The following RPS6KC1 variants were observed in gnomAD, a reference collection of about 807,000 sequenced individuals.
RPS6KC1 encodes the protein inactive ribosomal protein S6 kinase delta-1.
A neutral mutation model predicts 103.8 loss-of-function variants in RPS6KC1; 54 were observed. That is an observed-to-expected ratio of 0.52 (90% confidence interval 0.42 to 0.65). RPS6KC1 has a LOEUF of 0.65. Among genes scored for constraint, RPS6KC1 ranks in the 30% least tolerant of loss-of-function variants. The probability of loss-of-function intolerance (pLI) is 0.00; values close to 1 mark genes in which losing one functional copy is unlikely to be tolerated. For missense variants in RPS6KC1, 1,151 were observed against 1,253.8 expected (o/e 0.92, Z 1.24); for synonymous variants, 439 against 438.7 (o/e 1.00, Z -0.01).
chr1:213,077,961 TTTCTTG>T, intron 3 of RPS6KC1, 145 bp downstream of exon 3: 2 of 428,208 alleles, frequency 4.7e-6, no homozygotes, highest in Non-Finnish European at 4.1e-6. Context: ...GAAATTGTCT[TTTCTTG>T]TTCTTGTTAT....
the RPS6KC1 span, among the ~76,000 whole-genome samples, chr1:213,691,783 G>A: frequency 1.3e-5 from 2 of 152,094 alleles, no homozygotes; most frequent in Admixed American, 6.5e-5. Flanking sequence ...GGAAGGAATC[G>A]TTCCTCCATC....
chr1:213,489,625 A>G, the RPS6KC1 span, among the ~76,000 whole-genome samples: 4 of 152,172 alleles, frequency 2.6e-5, no homozygotes, highest in African/African-American at 9.7e-5. Context: ...ATATTACACC[A>G]CAGTCTGCTG....
the RPS6KC1 span, among the ~76,000 whole-genome samples, chr1:213,471,057 GT>G: frequency 6.6e-6 from 1 of 150,484 alleles, no homozygotes; most frequent in African/African-American, 2.5e-5. Flanking sequence ...TTCTTCAAGG[GT>G]GACCAGTGAG....
chr1:213,469,719 T>TA, the RPS6KC1 span, among the ~76,000 whole-genome samples: 1 of 152,170 alleles, frequency 6.6e-6, no homozygotes, highest in African/African-American at 2.4e-5. Flanking sequence ...ACTTTAGTTT[T>TA]AAAAATCACA....
chr1:213,111,142 A>T (rs564422298), intron 4 of RPS6KC1, among the ~76,000 whole-genome samples: 10 of 150,378 alleles, frequency 6.6e-5, no homozygotes, highest in Admixed American at 6.6e-4. Flanking sequence ...CTCGGTAACC[A>T]CTCTTTCATT....
chr1:213,720,374 A>C, the RPS6KC1 span, among the ~76,000 whole-genome samples: 2 of 152,364 alleles, frequency 1.3e-5, no homozygotes, highest in South Asian at 4.1e-4. Context: ...AAACTGGCTT[A>C]AGGGGATTTG....
At chr1:213,616,122 C>A in the RPS6KC1 span, among the ~76,000 whole-genome samples, 10 of 152,196 alleles carry the variant, frequency 6.6e-5, no homozygotes, top group Admixed American at 6.5e-4. Context: ...AAGCAAAGTG[C>A]AAGGCATGGC....
Position 213,174,146 on chromosome 1 carries a change from AT to A in RPS6KC1, c.952-2249del, listed in dbSNP as rs67050679. ...TAGCAAGAGGCAGCAGCAGAAAAGA[AT>A]TTTTAATTTTCAGAATGTGTTGGTT... On this transcript the variant is annotated intron_variant, in intron 7 of 14. Coordinates refer to ENST00000366960, the MANE Select transcript of RPS6KC1 (RefSeq NM_012424.6). 7.0e-3 allele frequency among the ~76,000 whole-genome samples: 1,067 copies of A among 152,332 alleles called. 14 individuals are homozygous for A. The highest frequency in any genetic ancestry group is 0.024 in the African/African-American group (1,011 of 41,572).
chr1:213,749,365 T>C, the RPS6KC1 span, among the ~76,000 whole-genome samples: 2 of 152,126 alleles, frequency 1.3e-5, no homozygotes, highest in Non-Finnish European at 2.9e-5. Context: ...AATTAATCCA[T>C]AGAAAGTGAA....
chr1:213,104,963 T>TA (rs888221579), intron 4 of RPS6KC1, among the ~76,000 whole-genome samples: 26 of 151,734 alleles, frequency 1.7e-4, no homozygotes, highest in Non-Finnish European at 2.9e-4. Context: ...TGAAATACAT[T>TA]AAAAAAAATG....
chr1:213,589,938 GGTGTGTGTGTGTGTGTGT>G, the RPS6KC1 span, among the ~76,000 whole-genome samples: 3,209 of 132,816 alleles, frequency 0.024, 126 homozygotes, highest in African/African-American at 0.094. Flanking sequence ...AAAAGGTAGT[GGTGTGTGTGTGTGTGTGT>G]GTGTGTGTGT....
At chr1:213,058,221 G>T (rs1048712935) in intron 1 of RPS6KC1, among the ~76,000 whole-genome samples, 4 of 151,952 alleles carry the variant, frequency 2.6e-5, no homozygotes, top group Middle Eastern at 3.4e-3. Flanking sequence ...AGGACTACAG[G>T]TATGCCACTG....
At chr1:213,843,332 A>C in the RPS6KC1 span, among the ~76,000 whole-genome samples, 1 of 152,226 alleles carries the variant, frequency 6.6e-6, no homozygotes, top group Non-Finnish European at 1.5e-5. Flanking sequence ...GTGACACATA[A>C]GATCAACCAT....
At chr1:213,646,328 G>A in the RPS6KC1 span, among the ~76,000 whole-genome samples, 3 of 152,308 alleles carry the variant, frequency 2.0e-5, no homozygotes, top group South Asian at 6.2e-4. Context: ...TTGGACTTTG[G>A]AAGAAGAGAC....
At position 213,241,982 on chromosome 1, in the gene RPS6KC1, G is replaced by T. The variant is rs1437340682; in HGVS notation, c.2506G>T (p.Asp836Tyr). 3.1e-6 allele frequency: 5 copies of T among 1,614,042 alleles called. No homozygotes were observed. In the Admixed American group the frequency reaches 8.3e-5, roughly 27 times the overall value. ...SGANEYIAST[D>Y]TLKTEEVLLF... The stretch of plus-strand genomic sequence containing the variant: ...TGCTAATGAATATATTGCAAGCACA[G>T]ACACTTTAAAAACAGAAGAAGTATT... The change falls in exon 11 of 15, where the codon GAC (aspartate) becomes TAC (tyrosine). Residue 836 changes from aspartate to tyrosine, a missense_variant. By Grantham distance (160) the Asp-to-Tyr change is radical (BLOSUM62 -3). Transcript: ENST00000366960.
chr1:213,853,781 G>A, the RPS6KC1 span, among the ~76,000 whole-genome samples: 1 of 152,190 alleles, frequency 6.6e-6, no homozygotes, highest in Non-Finnish European at 1.5e-5. Flanking sequence ...GAGCCAGTCT[G>A]GAGTTGGCTG....
chr1:213,602,193 C>CTTT, the RPS6KC1 span, among the ~76,000 whole-genome samples: 99 of 48,810 alleles, frequency 2.0e-3, no homozygotes, highest in African/African-American at 8.2e-3. Context: ...TTTCTTTTTC[C>CTTT]CTCCCTCCCT....
chr1:213,763,191 T>G, the RPS6KC1 span, among the ~76,000 whole-genome samples: 1 of 152,128 alleles, frequency 6.6e-6, no homozygotes, highest in Admixed American at 6.6e-5. Flanking sequence ...TTTTCCCATC[T>G]CAGTGACGAA....
At chr1:213,080,537 A>G (rs941785107) in intron 3 of RPS6KC1, among the ~76,000 whole-genome samples, 135 of 152,322 alleles carry the variant, frequency 8.9e-4, no homozygotes, top group African/African-American at 3.2e-3. Context: ...AATGTATAGA[A>G]TAATTCTCAA....
Sources: gnomAD v4.1 joint callset for allele counts (sites outside exome capture counted in the v4.1 genomes callset) on GRCh38, gnomAD v4.1.1 for gene constraint, MANE v1.5 for transcripts, NCBI Gene and HGNC (gene_info 2026-07-23, HGNC 2026-07-21) for gene names.